Variants in GPC5 observed in about 807,000 individuals in gnomAD.
GPC5 encodes glypican-5.
GPC5 carries 47 observed loss-of-function variants against 53.9 expected under a neutral mutation model. That is an observed-to-expected ratio of 0.87 (90% CI 0.69 to 1.11). The LOEUF (loss-of-function observed/expected upper bound fraction) is 1.11. Among genes scored for constraint, GPC5 ranks in the 50% most tolerant of loss-of-function variants. The probability of loss-of-function intolerance (pLI) is 0.00; values close to 1 mark genes in which losing one functional copy is unlikely to be tolerated. For synonymous variants in GPC5, 286 were observed against 263.3 expected (o/e 1.09, Z -0.84); for missense variants, 748 against 713.1 (o/e 1.05, Z -0.56).
At chr13:91,764,738 G>A (rs368692292) in intron 5 of GPC5, among the ~76,000 whole-genome samples, 11 of 152,190 alleles carry the variant, frequency 7.2e-5, no homozygotes, top group East Asian at 3.9e-4. Flanking sequence ...CACTCTCCTC[G>A]TCCTTCAAAC....
intron 7 of GPC5, among the ~76,000 whole-genome samples, chr13:92,827,466 G>T (rs943402670): frequency 6.6e-6 from 1 of 152,098 alleles, no homozygotes; most frequent in East Asian, 1.9e-4. Flanking sequence ...CCTGAGAGAT[G>T]TTGGAAAAGA....
intron 7 of GPC5, among the ~76,000 whole-genome samples, chr13:92,660,341 TATATGATTA>T (rs1354326045): frequency 6.6e-6 from 1 of 152,076 alleles, no homozygotes. Context: ...TCACAAATTA[TATATGATTA>T]ATATGATTAA....
At chr13:92,317,769 G>A (rs1180056248) in intron 7 of GPC5, among the ~76,000 whole-genome samples, 2 of 152,106 alleles carry the variant, frequency 1.3e-5, no homozygotes, top group African/African-American at 4.8e-5. Context: ...CCATAGTGCT[G>A]GGATTACAGG....
At chr13:91,589,410 C>G (rs370069751) in intron 2 of GPC5, among the ~76,000 whole-genome samples, 17 of 152,034 alleles carry the variant, frequency 1.1e-4, no homozygotes, top group East Asian at 3.9e-4. Flanking sequence ...CAGGAGGAAA[C>G]AGGCTACTGT....
chr13:92,613,351 A>AT (rs1884515286), intron 7 of GPC5, among the ~76,000 whole-genome samples: 4 of 101,148 alleles, frequency 4.0e-5, no homozygotes, highest in Non-Finnish European at 7.1e-5. Context: ...TTTATATATA[A>AT]ATATATAATA....
chr13:92,682,953 C>T (rs1459918621), intron 7 of GPC5, among the ~76,000 whole-genome samples: 1 of 152,030 alleles, frequency 6.6e-6, no homozygotes, highest in African/African-American at 2.4e-5. Flanking sequence ...CAGGATAGAA[C>T]AAAATACACA....
chr13:91,976,371 C>T (rs530888532), intron 6 of GPC5, among the ~76,000 whole-genome samples: 1 of 152,276 alleles, frequency 6.6e-6, no homozygotes, highest in African/African-American at 2.4e-5. Flanking sequence ...GGTCCTGCTG[C>T]TCACTGCATA....
At chr13:92,468,605 C>T (rs542868006) in intron 7 of GPC5, among the ~76,000 whole-genome samples, 1 of 152,112 alleles carries the variant, frequency 6.6e-6, no homozygotes, top group East Asian at 1.9e-4. Context: ...CAAAATATTC[C>T]ATACTTTTAC....
chr13:91,973,649 TG>T (rs1238799849), intron 6 of GPC5, among the ~76,000 whole-genome samples: 24 of 152,212 alleles, frequency 1.6e-4, no homozygotes, highest in African/African-American at 5.3e-4. Flanking sequence ...GTTTTTGGTG[TG>T]GATGTCCTTT....
At chr13:92,151,311 G>C (rs1165599650) in intron 7 of GPC5, among the ~76,000 whole-genome samples, 3 of 152,062 alleles carry the variant, frequency 2.0e-5, no homozygotes, top group Admixed American at 2.0e-4. Flanking sequence ...CAGGAAATCT[G>C]AGGGTGGAGC....
chr13:92,449,918 C>A (rs74107277), intron 7 of GPC5, among the ~76,000 whole-genome samples: 1 of 151,932 alleles, frequency 6.6e-6, no homozygotes, highest in African/African-American at 2.4e-5. Context: ...TTAAAAAGCA[C>A]GGCCCCAAAG....
intron 7 of GPC5, among the ~76,000 whole-genome samples, chr13:92,704,224 C>T (rs1017598122): frequency 3.3e-5 from 5 of 151,844 alleles, no homozygotes; most frequent in Non-Finnish European, 7.4e-5. Flanking sequence ...CAAAAATAAC[C>T]CTTTCTCTCC....
chr13:92,746,560 A>G (rs1046802603), intron 7 of GPC5, among the ~76,000 whole-genome samples: 1 of 152,096 alleles, frequency 6.6e-6, no homozygotes, highest in Non-Finnish European at 1.5e-5. Context: ...TTCTGTTTGC[A>G]TAAGATAACA....
chr13:91,680,489 A>G (rs1387622143), intron 2 of GPC5, among the ~76,000 whole-genome samples: 1 of 152,150 alleles, frequency 6.6e-6, no homozygotes, highest in Non-Finnish European at 1.5e-5. Flanking sequence ...AATGTGTCAA[A>G]ATGAGGAAAA....
chr13:92,040,510 C>T (rs2040933623), intron 6 of GPC5, among the ~76,000 whole-genome samples: 1 of 152,192 alleles, frequency 6.6e-6, no homozygotes, highest in African/African-American at 2.4e-5. Flanking sequence ...TTCATGTAGT[C>T]TACGATAATT....
chr13:91,937,395 G>C (rs575870801), intron 6 of GPC5, among the ~76,000 whole-genome samples: 1 of 152,148 alleles, frequency 6.6e-6, no homozygotes, highest in South Asian at 2.1e-4. Flanking sequence ...AGATTTAGCT[G>C]AGCTTTTACA....
At chr13:92,519,704 A>T (rs1466540404) in intron 7 of GPC5, among the ~76,000 whole-genome samples, 2 of 152,090 alleles carry the variant, frequency 1.3e-5, no homozygotes, top group Admixed American at 6.6e-5. Flanking sequence ...CACCCTAACA[A>T]CACAATTAAA....
chr13:92,228,090 G>A (rs2042501902), intron 7 of GPC5, among the ~76,000 whole-genome samples: 1 of 151,496 alleles, frequency 6.6e-6, no homozygotes, highest in Admixed American at 6.6e-5. Context: ...GGCTGAGGAG[G>A]AGGAGGAAGA....
chr13:91,554,266 C>A (rs543893962), intron 2 of GPC5, among the ~76,000 whole-genome samples: 1 of 152,110 alleles, frequency 6.6e-6, no homozygotes, highest in African/African-American at 2.4e-5. Context: ...CACACCCCCA[C>A]ACAGAGATAC....
Sources: gnomAD v4.1 joint callset for allele counts (sites outside exome capture counted in the v4.1 genomes callset) on GRCh38, gnomAD v4.1.1 for gene constraint, MANE v1.5 for transcripts, NCBI Gene and HGNC (gene_info 2026-07-23, HGNC 2026-07-21) for gene names.